Variants in ADGRL2 observed in about 807,000 individuals in gnomAD.
The protein encoded by ADGRL2 is adhesion G protein-coupled receptor L2.
ADGRL2 carries 44 observed loss-of-function variants against 157.4 expected under a neutral mutation model. The observed-to-expected ratio is 0.28, with a 90% CI of 0.22 to 0.36. The LOEUF (loss-of-function observed/expected upper bound fraction) is 0.36, where lower values mean the gene tolerates loss of function less well. ADGRL2 is among the 10% of genes least tolerant of loss of function. The pLI is 1.00. For synonymous variants in ADGRL2, 585 were observed against 624.7 expected (o/e 0.94, Z 0.95); for missense variants, 1,510 against 1,768.9 (o/e 0.85, Z 2.63).
intron 2 of ADGRL2, among the ~76,000 whole-genome samples, chr1:81,846,864 T>G (rs534245963): frequency 1.3e-5 from 2 of 152,100 alleles, no homozygotes; most frequent in Admixed American, 6.6e-5. Flanking sequence ...GAGGCTACTT[T>G]TATATGGTAG....
In ADGRL2 at chr1:81,492,834, T is replaced by C. The variant is rs370058762; in HGVS notation, c.-248+47745T>C. On this transcript the variant is annotated intron_variant, in intron 2 of 24. Coordinates refer to the ADGRL2 transcript ENST00000370721. ...AGAAATTTGCTTAAGTAGGGACTGA[T>C]GAATAGAGTATACTTCCTTTCTGGA... Among the ~76,000 whole-genome samples, 46 of 152,324 alleles carry C rather than the reference T, an allele frequency of 3.0e-4. 1 individual carries two copies. Among genetic ancestry groups the C allele is most frequent in the African/African-American group, 1.1e-3 (46 of 41,582 alleles).
intron 2 of ADGRL2, among the ~76,000 whole-genome samples, chr1:81,450,032 C>T (rs1486640568): frequency 6.6e-6 from 1 of 152,182 alleles, no homozygotes; most frequent in Non-Finnish European, 1.5e-5. Context: ...TTCCCTAGCT[C>T]TCCCTGTTAA....
intron 23 of ADGRL2, chr1:81,990,126 A>G (rs1399915084): frequency 1.0e-6 from 1 of 985,196 alleles, no homozygotes; most frequent in Admixed American, 6.2e-5. Context: ...ATTAATCAGT[A>G]CTGTCTCCTG....
intron 2 of ADGRL2, among the ~76,000 whole-genome samples, chr1:81,857,612 T>C (rs1301999829): frequency 6.6e-6 from 1 of 152,190 alleles, no homozygotes; most frequent in African/African-American, 2.4e-5. Context: ...CTTTCACATA[T>C]CAGCTTCTTC....
At chr1:81,571,416 T>TA (rs2148497712) in intron 2 of ADGRL2, among the ~76,000 whole-genome samples, 1 of 148,128 alleles carries the variant, frequency 6.8e-6, no homozygotes, top group South Asian at 2.1e-4. Context: ...TGTATATATG[T>TA]ATATATATGT....
At chr1:81,607,540 C>T (rs1476749913) in intron 3 of ADGRL2, among the ~76,000 whole-genome samples, 1 of 150,228 alleles carries the variant, frequency 6.7e-6, no homozygotes, top group Non-Finnish European at 1.5e-5. Context: ...ATTAGTGAGG[C>T]CAAGATGACA....
At chr1:81,844,511 T>C (rs1019484095) in intron 2 of ADGRL2, among the ~76,000 whole-genome samples, 1 of 152,244 alleles carries the variant, frequency 6.6e-6, no homozygotes, top group African/African-American at 2.4e-5. Flanking sequence ...AACTGATTTA[T>C]CTGCCATATT....
At chr1:81,587,678 G>A (rs999443755) in intron 3 of ADGRL2, among the ~76,000 whole-genome samples, 1 of 152,094 alleles carries the variant, frequency 6.6e-6, no homozygotes, top group African/African-American at 2.4e-5. Flanking sequence ...GTTTAAGCAG[G>A]GGAGTAACAT....
chr1:81,490,457 A>T (rs913726798), intron 2 of ADGRL2, among the ~76,000 whole-genome samples: 2 of 152,146 alleles, frequency 1.3e-5, no homozygotes, highest in African/African-American at 4.8e-5. Flanking sequence ...AAAAATTATT[A>T]GAAAAAGGAA....
At chr1:81,616,953 C>T (rs1408189802) in intron 3 of ADGRL2, among the ~76,000 whole-genome samples, 1 of 152,176 alleles carries the variant, frequency 6.6e-6, no homozygotes, top group Non-Finnish European at 1.5e-5. Context: ...GCTGGGATTA[C>T]AGGTGTGAGC....
intron 2 of ADGRL2, among the ~76,000 whole-genome samples, chr1:81,519,731 A>G (rs995208865): frequency 6.6e-6 from 1 of 152,188 alleles, no homozygotes; most frequent in African/African-American, 2.4e-5. Context: ...ATAATGCCCC[A>G]AAGCCAAGGT....
At chr1:81,852,934 A>G (rs368454364) in intron 2 of ADGRL2, among the ~76,000 whole-genome samples, 1 of 152,146 alleles carries the variant, frequency 6.6e-6, no homozygotes, top group East Asian at 1.9e-4. Context: ...CTGATACTTT[A>G]AATTTAACCT....
intron 14 of ADGRL2, 144 bp downstream of exon 14, chr1:81,968,343 C>A: frequency 1.4e-6 from 1 of 694,804 alleles, no homozygotes. Flanking sequence ...CTACACTGTC[C>A]ATAAATTTTA....
At chr1:81,443,197 G>A (rs1193780212) in intron 1 of ADGRL2, among the ~76,000 whole-genome samples, 1 of 152,124 alleles carries the variant, frequency 6.6e-6, no homozygotes, top group Admixed American at 6.5e-5. Context: ...AATGTGGGTG[G>A]ATCACCTGAA....
intron 1 of ADGRL2, among the ~76,000 whole-genome samples, chr1:81,387,105 A>T (rs1309898829): frequency 1.3e-5 from 2 of 152,150 alleles, no homozygotes; most frequent in Non-Finnish European, 2.9e-5. Flanking sequence ...ATTGCTTTCT[A>T]TTTGAGATCC....
At chr1:81,499,166 A>G (rs2078790741) in intron 2 of ADGRL2, among the ~76,000 whole-genome samples, 1 of 152,276 alleles carries the variant, frequency 6.6e-6, no homozygotes, top group Non-Finnish European at 1.5e-5. Context: ...AGGGGAAACA[A>G]TAAGAGAGAA....
chr1:81,967,826 T>C (rs1055984981), intron 13 of ADGRL2, among the ~76,000 whole-genome samples, 200 bp from the exon 14 acceptor site: 1 of 152,210 alleles, frequency 6.6e-6, no homozygotes. Context: ...AAGTACACTT[T>C]AGAGTCTTTC....
chr1:81,359,210 G>A (rs746560021), intron 1 of ADGRL2, among the ~76,000 whole-genome samples: 6 of 152,022 alleles, frequency 3.9e-5, no homozygotes, highest in Non-Finnish European at 7.4e-5. Context: ...AAATGAGCAG[G>A]CCTTAAAAAT....
intron 1 of ADGRL2, among the ~76,000 whole-genome samples, chr1:81,362,698 T>A (rs908167449): frequency 3.9e-5 from 6 of 151,992 alleles, no homozygotes; most frequent in African/African-American, 1.4e-4. Flanking sequence ...CTGAAAAAAA[T>A]GCTCATCCTT....
Sources: allele counts gnomAD v4.1 joint callset (sites outside exome capture counted in the v4.1 genomes callset), GRCh38; gene constraint gnomAD v4.1.1; transcripts MANE v1.5; gene names NCBI Gene and HGNC (gene_info 2026-07-23, HGNC 2026-07-21).